ITSN1: variants seen among roughly 807,000 people sequenced by gnomAD.
ITSN1 encodes the protein intersectin-1.
A neutral mutation model predicts 239.8 loss-of-function variants in ITSN1; 58 were observed. The ratio of observed to expected loss-of-function variants is 0.24; its 90% CI spans 0.20 to 0.30. The LOEUF (loss-of-function observed/expected upper bound fraction) is 0.30. ITSN1 is among the 10% of genes least tolerant of loss of function. The pLI, the probability that ITSN1 is intolerant of heterozygous loss-of-function variation, is 1.00. For synonymous variants in ITSN1, 780 were observed against 770.8 expected (o/e 1.01, Z -0.20); for missense variants, 1,558 against 2,103.3 (o/e 0.74, Z 5.07).
rs1392108558 is a variant in ITSN1 at position 33,834,380 on chromosome 21, A to C, written c.3425A>C (p.Lys1142Thr). 7 of 1,613,852 alleles carry C rather than the reference A, an allele frequency of 4.3e-6. No homozygotes were observed. The highest frequency in any genetic ancestry group is 5.9e-6 in the Non-Finnish European group (7 of 1,179,826). Residue 1142 changes from lysine (K) to threonine (T), a missense_variant, in exon 28 of 40, where the codon AAA becomes ACA. By Grantham distance (78) the Lys-to-Thr change is moderately conservative (BLOSUM62 -1). Coordinates refer to ENST00000381318, the MANE Select transcript of ITSN1 (RefSeq NM_003024.3). ...YVKLLSPGTS[K>T]ITPTEPPKST... ...AAGCTTCTAAGCCCTGGGACGAGCAAAATCACTCCAACAGAGCCACCTAAG... is the reference window on the plus strand; with the variant it reads ...AAGCTTCTAAGCCCTGGGACGAGCACAATCACTCCAACAGAGCCACCTAAG...
Position 33,817,926 on chromosome 21 carries a change from C to T in ITSN1, c.2728-341C>T, listed in dbSNP as rs570172186. On this transcript the variant is annotated intron_variant, in intron 22 of 39. Coordinates refer to ENST00000381318, the MANE Select transcript of ITSN1 (RefSeq NM_003024.3). ...GTCAAATTGGAAATGGGGAGGTGTC[C>T]CGGGCAACTTGAGAGTGAAAATAGA... The T allele has an allele frequency of 8.5e-4, 286 of 335,432 alleles. 1 individual carries two copies. Among genetic ancestry groups the T allele is most frequent in the Non-Finnish European group, 1.4e-3 (247 of 182,932 alleles). The allele number at this position is 335,432 out of a possible 1,614,324, so 20.8% of individuals were successfully genotyped here.
intron 22 of ITSN1, among the ~76,000 whole-genome samples, chr21:33,815,477 A>G (rs2073206440): frequency 6.6e-6 from 1 of 152,160 alleles, no homozygotes; most frequent in African/African-American, 2.4e-5. Flanking sequence ...AGAAGAGACC[A>G]TTCATTGTGA....
At position 33,849,095 on chromosome 21, in the gene ITSN1, G is replaced by T. The variant is rs528618768; in HGVS notation, c.3662-7641G>T. On this transcript the variant is annotated intron_variant, in intron 29 of 39. Coordinates refer to ENST00000381318, the MANE Select transcript of ITSN1 (RefSeq NM_003024.3). ...GTCTCTACTAAAAATACAAAAATTA[G>T]CTGGGCGTGGTGGCATGTGCTTGTC... 4.6e-5 allele frequency among the ~76,000 whole-genome samples: 7 copies of T among 152,098 alleles called. No individual in the cohort carries two copies. The South Asian group carries it at 1.5e-3, about 32-fold the overall frequency.
At position 33,894,950 on chromosome 21, in the gene ITSN1, C is replaced by T. The variant is rs1470515435; in HGVS notation, c.*6650C>T. Reference sequence around the variant, plus strand: ...GCAGATTTCAAGGTGCCGGCTCCACCTACCGCAGCTGCTAGGCATTGCTCT... The same window carrying T: ...GCAGATTTCAAGGTGCCGGCTCCACTTACCGCAGCTGCTAGGCATTGCTCT... On this transcript the variant is annotated 3_prime_UTR_variant, in exon 40 of 40. Coordinates refer to ENST00000381318, the MANE Select transcript of ITSN1 (RefSeq NM_003024.3). 6.6e-6 allele frequency: 1 copy of T among 152,204 alleles called. No individual in the cohort carries two copies. Among genetic ancestry groups the T allele is most frequent in the Non-Finnish European group, 1.5e-5 (1 of 68,070 alleles). The allele number at this position is 152,204 out of a possible 1,614,324, so 9.4% of individuals were successfully genotyped here.
intron 1 of ITSN1, among the ~76,000 whole-genome samples, chr21:33,685,301 C>T (rs1490822054): frequency 6.6e-6 from 1 of 152,160 alleles, no homozygotes; most frequent in East Asian, 1.9e-4. Flanking sequence ...TTTCCCTTGT[C>T]TTTTAAATAG....
chr21:33,726,517 T>C (rs950891362), intron 4 of ITSN1, among the ~76,000 whole-genome samples: 2 of 151,994 alleles, frequency 1.3e-5, no homozygotes, highest in Non-Finnish European at 2.9e-5. Flanking sequence ...TTTTTGTTTG[T>C]TTTTGAGACA....
intron 14 of ITSN1, among the ~76,000 whole-genome samples, chr21:33,779,672 C>T (rs1443278901): frequency 6.6e-6 from 1 of 152,100 alleles, no homozygotes; most frequent in African/African-American, 2.4e-5. Context: ...TGTATATCTT[C>T]CTTTCATTTC....
intron 1 of ITSN1, among the ~76,000 whole-genome samples, chr21:33,676,806 A>G (rs1040525144): frequency 2.6e-5 from 4 of 152,048 alleles, no homozygotes; most frequent in African/African-American, 9.7e-5. Flanking sequence ...TTTGTTCGGA[A>G]TGATGGTTTC....
intron 29 of ITSN1, among the ~76,000 whole-genome samples, chr21:33,841,374 A>AC (rs1483322713): frequency 2.0e-5 from 3 of 149,192 alleles, no homozygotes; most frequent in Admixed American, 6.6e-5. Flanking sequence ...ATCACCTGGC[A>AC]CATGGTAGGT....
rs561235002 is a variant in ITSN1, at chr21:33,683,213, A to T, written c.-32-35584A>T. Among the ~76,000 whole-genome samples, 3 of 151,030 alleles carry T rather than the reference A, an allele frequency of 2.0e-5. No homozygotes were observed. The South Asian group carries it at 6.3e-4, about 32-fold the overall frequency. Reference sequence around the variant, plus strand: ...CTTTTTTTTTTTTCCTCCTGCTTTTACTCAGAGATCATCTTTTCATATTTT... The same window carrying T: ...CTTTTTTTTTTTTCCTCCTGCTTTTTCTCAGAGATCATCTTTTCATATTTT... On this transcript the variant is annotated intron_variant, in intron 1 of 39. Coordinates refer to ENST00000381318, the MANE Select transcript of ITSN1 (RefSeq NM_003024.3).
At chr21:33,809,011 A>G (rs1156737454) in intron 20 of ITSN1, among the ~76,000 whole-genome samples, 2 of 152,230 alleles carry the variant, frequency 1.3e-5, no homozygotes, top group East Asian at 1.9e-4. Context: ...GTGTCACCAT[A>G]TCACCAAAAT....
chr21:33,845,756 C>T (rs1419289008), intron 29 of ITSN1, among the ~76,000 whole-genome samples: 3 of 152,114 alleles, frequency 2.0e-5, no homozygotes, highest in African/African-American at 7.2e-5. Flanking sequence ...TTTGAGTCCC[C>T]GTCATGACCC....
At chr21:33,753,559 G>A (rs1035717734) in intron 7 of ITSN1, among the ~76,000 whole-genome samples, 20 of 151,906 alleles carry the variant, frequency 1.3e-4, no homozygotes, top group Admixed American at 1.1e-3. Context: ...TCAGGAGTTC[G>A]AGACCAGCCT....
rs1368251072 is a variant in ITSN1, at chr21:33,858,805, T to C, written c.3890+13T>C. ...TCAAACTACTAAAGTAAGCCTCTCC[T>C]CTAATCCCCAGCCTGGCTTGGCCTC... On this transcript the variant is annotated intron_variant, in intron 31 of 39. Transcript: ENST00000381318. 1 of 1,551,352 alleles carries C rather than the reference T, an allele frequency of 6.4e-7. No individual in the cohort carries two copies. The highest frequency in any genetic ancestry group is 1.7e-5 in the Admixed American group (1 of 59,516).
intron 1 of ITSN1, among the ~76,000 whole-genome samples, chr21:33,703,206 AGTT>A (rs1421810769): frequency 6.6e-6 from 1 of 150,966 alleles, no homozygotes; most frequent in African/African-American, 2.4e-5. Flanking sequence ...AAAGAAATAA[AGTT>A]GTTTTAAGGA....
chr21:33,877,352 C>T (rs1984112549), intron 34 of ITSN1, among the ~76,000 whole-genome samples: 1 of 152,090 alleles, frequency 6.6e-6, no homozygotes, highest in African/African-American at 2.4e-5. Context: ...CGCACCTGGC[C>T]CACCTGCAGG....
In ITSN1 at chr21:33,889,943, A is replaced by G. The variant is rs1210386319; in HGVS notation, c.*1643A>G. 2.0e-5 allele frequency: 3 copies of G among 152,202 alleles called. No individual in the cohort carries two copies. Among genetic ancestry groups the G allele is most frequent in the Non-Finnish European group, 4.4e-5 (3 of 68,034 alleles). The allele number at this position is 152,202 out of a possible 1,614,324, so 9.4% of individuals were successfully genotyped here. ...TTAAGAAATACTTTATTATTTATTT[A>G]TTGAAGATAGTGTAGAATTTTGTAT... On this transcript the variant is annotated 3_prime_UTR_variant, in exon 40 of 40. Transcript: ENST00000381318.
At chr21:33,722,367 G>A (rs954349153) in intron 3 of ITSN1, among the ~76,000 whole-genome samples, 3 of 152,186 alleles carry the variant, frequency 2.0e-5, no homozygotes, top group Non-Finnish European at 4.4e-5. Flanking sequence ...GCCAGGAAAT[G>A]GTAGGCCCTT....
At chr21:33,727,671 T>A (rs1037991566) in intron 4 of ITSN1, among the ~76,000 whole-genome samples, 5 of 150,704 alleles carry the variant, frequency 3.3e-5, no homozygotes, top group African/African-American at 1.2e-4. Flanking sequence ...CATCCCTCAT[T>A]CCTGAGTCTT....
Sources: allele counts gnomAD v4.1 joint callset (sites outside exome capture counted in the v4.1 genomes callset), GRCh38; gene constraint gnomAD v4.1.1; transcripts MANE v1.5; gene names NCBI Gene and HGNC (gene_info 2026-07-23, HGNC 2026-07-21).